The following ADH1B variants were observed in gnomAD, a reference collection of about 807,000 sequenced individuals.
ADH1B encodes alcohol dehydrogenase 1B (class I), beta polypeptide.
In ADH1B, 29 loss-of-function variants were observed where a neutral mutation model predicts 34.6. The observed-to-expected ratio is 0.84, with a 90% confidence interval of 0.62 to 1.14. The LOEUF (loss-of-function observed/expected upper bound fraction) is 1.14, where lower values mean the gene tolerates loss of function less well. ADH1B is among the 50% of genes most tolerant of loss of function. The pLI is 0.00. For synonymous variants in ADH1B, 170 were observed against 175.5 expected, an observed-to-expected ratio of 0.97 and a Z score of 0.25; for missense variants, 424 against 468.4, an observed-to-expected ratio of 0.91 and a Z score of 0.87.
chr4:99,318,002 C>T, intron 3 of ADH1B, 44 bp downstream of exon 3: 1 of 1,607,054 alleles, frequency 6.2e-7, no homozygotes, highest in Non-Finnish European at 8.5e-7. Context: ...CTGGGAAATC[C>T]TGGATGGTGA....
At chr4:99,320,930 A>G (rs1419373287) in intron 1 of ADH1B, 6 of 1,258,256 alleles carry the variant, frequency 4.8e-6, no homozygotes, top group Non-Finnish European at 5.1e-6. Flanking sequence ...TTCATAAAAA[A>G]TTTGAATAAA....
At chr4:99,315,644 T>G in intron 5 of ADH1B, 1 of 551,672 alleles carries the variant, frequency 1.8e-6, no homozygotes, top group South Asian at 2.1e-5. Context: ...GGTCTAAAAT[T>G]TCATGATCCC....
intron 8 of ADH1B, 46 bp downstream of exon 8, chr4:99,310,719 C>T (rs772540782): frequency 1.3e-6 from 2 of 1,589,690 alleles, no homozygotes; most frequent in Non-Finnish European, 1.7e-6. Context: ...AGACAATCCC[C>T]TATGGTAGAA....
chr4:99,319,324 G>A (rs1458365110), intron 1 of ADH1B: 5 of 223,686 alleles, frequency 2.2e-5, no homozygotes, highest in Admixed American at 5.3e-5. Context: ...TAGGCCAAAA[G>A]GATCTGACTC....
At chr4:99,310,128 A>G (rs1733713993) in intron 8 of ADH1B, among the ~76,000 whole-genome samples, 2 of 152,176 alleles carry the variant, frequency 1.3e-5, no homozygotes. Flanking sequence ...TAAGTGTTAA[A>G]TGTTAGAGGT....
intron 5 of ADH1B, chr4:99,315,469 T>C (rs929661430): frequency 3.8e-6 from 1 of 262,902 alleles, no homozygotes; most frequent in Non-Finnish European, 7.4e-6. Flanking sequence ...TGGACTCTAC[T>C]GTTGATCCTA....
At chr4:99,308,281 G>A (rs1331689221) in intron 8 of ADH1B, among the ~76,000 whole-genome samples, 2 of 151,012 alleles carry the variant, frequency 1.3e-5, no homozygotes, top group Admixed American at 1.3e-4. Context: ...ACACTAAGAG[G>A]TAGGTTCCCA....
Position 99,318,096 on chromosome 4 carries a change from G to A in ADH1B, c.209C>T (p.Ala70Val), listed in dbSNP as rs777819335. ...TCCAACACTCTCCACGATGCCGGCT[G>A]CCTCATGGCCTAAAATCACAGGAAG... Reference protein sequence around the residue: ...TPLPVILGHEAAGIVESVGEG... With the variant: ...TPLPVILGHEVAGIVESVGEG... Residue 70 changes from alanine (A) to valine (V), a missense_variant, in exon 3 of 9, where the codon GCA becomes GTA. Around this residue, in one of 3 missense-constraint regions of ADH1B, gnomAD observed 291 missense variants for 300.4 expected, o/e 0.97. Transcript: ENST00000305046. 5.6e-6 allele frequency: 9 copies of A among 1,613,970 alleles called. No individual in the cohort carries two copies. In the Admixed American group the frequency reaches 1.5e-4, roughly 27 times the overall value.
At chr4:99,316,172 G>T in intron 4 of ADH1B, 43 bp downstream of exon 4, 1 of 1,613,956 alleles carries the variant, frequency 6.2e-7, no homozygotes, top group Non-Finnish European at 8.5e-7. Flanking sequence ...CATAAGTAAT[G>T]TGCAAACTCA....
intron 1 of ADH1B, chr4:99,319,312 C>T (rs1440370314): frequency 4.2e-6 from 1 of 240,438 alleles, no homozygotes; most frequent in African/African-American, 2.3e-5. Context: ...CAATTTTCTG[C>T]TTAGGCCAAA....
At chr4:99,317,728 CAG>C (rs1733921276) in intron 3 of ADH1B, 2 of 298,656 alleles carry the variant, frequency 6.7e-6, no homozygotes, top group Non-Finnish European at 1.2e-5. Context: ...AACACTAACA[CAG>C]AATTACTGGA....
rs201999694 is a variant in ADH1B at position 99,314,042 on chromosome 4, C to T, written c.607G>A (p.Gly203Arg). ...CCCATAACAGCAGATAGGCCGACCC[C>T]TCCCAGGCCAAACACAGCACAGGTA... ...GSTCAVFGLG[G>R]VGLSAVMGCK... is the part of the protein sequence containing the mutation. Residue 203 changes from glycine (G) to arginine (R), a missense_variant, in exon 6 of 9, where the codon GGG (glycine) becomes AGG (arginine). Transcript: ENST00000305046. The T allele has an allele frequency of 6.3e-5, 101 of 1,614,094 alleles. No homozygotes were observed. Among genetic ancestry groups the T allele is most frequent in the Non-Finnish European group, 1.9e-5 (22 of 1,180,050 alleles).
intron 8 of ADH1B, among the ~76,000 whole-genome samples, chr4:99,308,295 T>C (rs1188649090): frequency 6.6e-6 from 1 of 151,162 alleles, no homozygotes; most frequent in African/African-American, 2.4e-5. Flanking sequence ...GTTCCCATAT[T>C]ATGTCCATTT....
rs1183641054 is a variant in ADH1B at position 99,305,738 on chromosome 4, G to C, written c.*2102C>G. The C allele has an allele frequency of 6.6e-6, 1 of 151,470 alleles. No homozygotes were observed. Among genetic ancestry groups the C allele is most frequent in the Non-Finnish European group, 1.5e-5 (1 of 67,888 alleles). 9.4% of individuals were successfully genotyped at this position (151,470 alleles called of 1,614,324 possible). ...TTGCCACTCTATGACAACACTGGCA[G>C]AGCCCACCTAATGGCTCCCACTCTA... is the stretch of plus-strand genomic sequence containing the variant. On this transcript the variant is annotated 3_prime_UTR_variant, in exon 9 of 9. Coordinates refer to ENST00000305046, the MANE Select transcript of ADH1B (RefSeq NM_000668.6).
Position 99,306,682 on chromosome 4 carries a change from A to G in ADH1B, c.*1158T>C, listed in dbSNP as rs1334154796. On this transcript the variant is annotated 3_prime_UTR_variant, in exon 9 of 9. Coordinates refer to ENST00000305046, the MANE Select transcript of ADH1B (RefSeq NM_000668.6). ...CTTCCCCTGAGAGTGGGAAAGCATT[A>G]ACAAATGAGAGTGGGAAAAGCATTA... 6.6e-6 allele frequency: 1 copy of G among 152,238 alleles called. No homozygotes were observed. Among genetic ancestry groups the G allele is most frequent in the Non-Finnish European group, 1.5e-5 (1 of 68,040 alleles). The allele number at this position is 152,238 out of a possible 1,614,324, so 9.4% of individuals were successfully genotyped here.
At position 99,313,776 on chromosome 4, in the gene ADH1B, C is replaced by A. The variant is rs181946861; in HGVS notation, c.828+45G>T. The A allele has an allele frequency of 9.3e-6, 15 of 1,613,952 alleles. No homozygotes were observed. The East Asian group carries it at 2.5e-4, about 26-fold the overall frequency. On this transcript the variant is annotated intron_variant, in intron 6 of 8. Transcript: ENST00000305046. ...ATATTTTGCTGCCTAAATGCATCTT[C>A]CAGGTTGCAGAGGCAGAAATCTCAG...
intron 1 of ADH1B, chr4:99,320,718 T>G (rs1734003344): frequency 1.1e-6 from 1 of 898,506 alleles, no homozygotes; most frequent in Non-Finnish European, 1.4e-6. Flanking sequence ...CCATAGGATT[T>G]TTGTGGAAAT....
At position 99,314,006 on chromosome 4, in the gene ADH1B, C is replaced by A; in HGVS notation, c.643G>T (p.Ala215Ser). The A allele has an allele frequency of 6.2e-7, 1 of 1,614,222 alleles. No individual in the cohort carries two copies. The highest frequency in any genetic ancestry group is 8.5e-7 in the Non-Finnish European group (1 of 1,180,038). The change falls in exon 6 of 9, where the codon GCT becomes TCT. Residue 215 changes from alanine (A) to serine (S), a missense_variant. Coordinates refer to ENST00000305046, the MANE Select transcript of ADH1B (RefSeq NM_000668.6). ...ACCGCAATGATTCTGGCTGCTCCAG[C>A]TGCTTTACAGCCCATAACAGCAGAT... The part of the protein sequence containing the change: ...GLSAVMGCKA[A>S]GAARIIAVDI...
Position 99,307,825 on chromosome 4 carries a change from G to A in ADH1B, c.*15C>T, listed in dbSNP as rs764467403. The A allele has an allele frequency of 6.2e-7, 1 of 1,613,802 alleles. No individual in the cohort carries two copies. The highest frequency in any genetic ancestry group is 1.1e-5 in the South Asian group (1 of 91,062). ...GAGGCTGAAGACTGCTACAGGGGAA[G>A]GCATCTCTATTGCCTCAAAACGTCA... On this transcript the variant is annotated 3_prime_UTR_variant, in exon 9 of 9. Coordinates refer to ENST00000305046, the MANE Select transcript of ADH1B (RefSeq NM_000668.6).
Sources: gnomAD v4.1 joint callset for allele counts (sites outside exome capture counted in the v4.1 genomes callset) on GRCh38, gnomAD v4.1.1 for gene constraint, gnomAD v4.1.1 regional missense constraint, MANE v1.5 for transcripts, NCBI Gene and HGNC (gene_info 2026-07-23, HGNC 2026-07-21) for gene names.